The following ATP8A2 variants were observed in gnomAD, a reference collection of about 807,000 sequenced individuals.
The protein encoded by ATP8A2 is ATPase phospholipid transporting 8A2.
ATP8A2 carries 100 observed loss-of-function variants against 165.6 expected under a neutral mutation model. That is an observed-to-expected ratio of 0.60 (90% CI 0.51 to 0.71). The LOEUF (loss-of-function observed/expected upper bound fraction) is 0.71, where lower values mean the gene tolerates loss of function less well. Among genes scored for constraint, ATP8A2 ranks in the 30% least tolerant of loss-of-function variants. The pLI is 0.00. For missense variants in ATP8A2, 1,227 were observed against 1,479.5 expected, an observed-to-expected ratio of 0.83 and a Z score of 2.80; for synonymous variants, 543 against 548.8, an observed-to-expected ratio of 0.99 and a Z score of 0.15.
chr13:25,903,971 T>C (rs1036795168), intron 33 of ATP8A2, among the ~76,000 whole-genome samples: 3 of 151,586 alleles, frequency 2.0e-5, no homozygotes. Context: ...GGGGAGCATT[T>C]AAAAAAAAAC....
In ATP8A2 at chr13:25,567,133, C is replaced by T. The variant is rs188930063; in HGVS notation, c.1473+3102C>T. On this transcript the variant is annotated intron_variant, in intron 16 of 36. Coordinates refer to ENST00000381655, the MANE Select transcript of ATP8A2 (RefSeq NM_016529.6). The stretch of plus-strand genomic sequence containing the variant: ...TTCTAGTGTTTGAAAGATTTCAAAG[C>T]TTGGTTCAGTTCATTTCTGACTCTC... 491 of 322,420 alleles carry T rather than the reference C, an allele frequency of 1.5e-3. 2 individuals are homozygous for T. The highest frequency in any genetic ancestry group is 6.9e-3 in the Middle Eastern group (6 of 866). The allele number at this position is 322,420 out of a possible 1,614,324, so 20.0% of individuals were successfully genotyped here.
At position 25,918,465 on chromosome 13, in the gene ATP8A2, C is replaced by T. The variant is rs151021941; in HGVS notation, c.3184-43110C>T. Among the ~76,000 whole-genome samples the T allele has an allele frequency of 8.5e-5, 13 of 152,252 alleles. No homozygotes were observed. In the East Asian group the frequency reaches 2.5e-3, roughly 29 times the overall value. On this transcript the variant is annotated intron_variant, in intron 33 of 36. Transcript: ENST00000381655. ...GATCCATGATTAAACAAGAAAAAAGCCAACGTGGTATATTAACATCCAACA... is the reference window on the plus strand; with the variant it reads ...GATCCATGATTAAACAAGAAAAAAGTCAACGTGGTATATTAACATCCAACA...
In ATP8A2 at chr13:26,018,196, G is replaced by A. The variant is rs116235130; in HGVS notation, c.3470-1692G>A. Among the ~76,000 whole-genome samples, 378 of 152,326 alleles carry A rather than the reference G, an allele frequency of 2.5e-3. 3 individuals are homozygous for A. The highest frequency in any genetic ancestry group is 8.8e-3 in the African/African-American group (365 of 41,572). ...CCCCCTGAGCCTTTGGGATTCTCAGGCAGTGGCCAGAAGGCATGCTCTCTG... is the reference window on the plus strand; with the variant it reads ...CCCCCTGAGCCTTTGGGATTCTCAGACAGTGGCCAGAAGGCATGCTCTCTG... On this transcript the variant is annotated intron_variant, in intron 36 of 36. Transcript: ENST00000381655.
At chr13:25,638,152 G>T (rs1020455502) in intron 24 of ATP8A2, among the ~76,000 whole-genome samples, 1 of 152,092 alleles carries the variant, frequency 6.6e-6, no homozygotes, top group African/African-American at 2.4e-5. Context: ...CCACAAAGAT[G>T]GGGAAAAAAC....
intron 35 of ATP8A2, among the ~76,000 whole-genome samples, chr13:25,970,068 A>T (rs1283477243): frequency 6.6e-6 from 1 of 152,224 alleles, no homozygotes; most frequent in Non-Finnish European, 1.5e-5. Context: ...AATGTTTAAA[A>T]CCCTATAAAA....
intron 25 of ATP8A2, among the ~76,000 whole-genome samples, chr13:25,730,990 C>A (rs1265631731): frequency 6.6e-6 from 1 of 151,754 alleles, no homozygotes; most frequent in African/African-American, 2.4e-5. Context: ...AGGAGGATCA[C>A]TTGAACCTGG....
intron 10 of ATP8A2, among the ~76,000 whole-genome samples, chr13:25,544,078 T>C (rs1044398317): frequency 6.6e-6 from 1 of 152,272 alleles, no homozygotes; most frequent in Admixed American, 6.5e-5. Context: ...GTATAACTTC[T>C]AAAATGCACA....
At chr13:25,856,616 C>A (rs1384374161) in intron 30 of ATP8A2, among the ~76,000 whole-genome samples, 1 of 152,038 alleles carries the variant, frequency 6.6e-6, no homozygotes, top group African/African-American at 2.4e-5. Context: ...TCATCTTTTC[C>A]ATTTTAACAT....
chr13:25,842,497 C>A (rs949769368), intron 30 of ATP8A2, among the ~76,000 whole-genome samples: 28 of 152,014 alleles, frequency 1.8e-4, no homozygotes, highest in African/African-American at 6.3e-4. Flanking sequence ...CATGGTAAAA[C>A]CCCGTCTCTA....
At chr13:25,955,618 A>G (rs1955500021) in intron 33 of ATP8A2, among the ~76,000 whole-genome samples, 1 of 152,220 alleles carries the variant, frequency 6.6e-6, no homozygotes, top group Non-Finnish European at 1.5e-5. Context: ...AAGTTCTGAA[A>G]TTGAGGCAAT....
intron 1 of ATP8A2, among the ~76,000 whole-genome samples, chr13:25,397,100 G>T (rs937345420): frequency 6.6e-6 from 1 of 152,318 alleles, no homozygotes; most frequent in East Asian, 1.9e-4. Flanking sequence ...CCTGTTCTAG[G>T]AAGACGGGAA....
intron 2 of ATP8A2, among the ~76,000 whole-genome samples, chr13:25,514,959 A>T (rs1222339499): frequency 6.6e-6 from 1 of 152,152 alleles, no homozygotes; most frequent in Admixed American, 6.5e-5. Context: ...CATCCAGTTG[A>T]ACATTATTCT....
chr13:25,557,197 G>A (rs1003913886), intron 13 of ATP8A2, among the ~76,000 whole-genome samples: 4 of 152,050 alleles, frequency 2.6e-5, no homozygotes, highest in African/African-American at 9.7e-5. Context: ...ATTCATATAA[G>A]TGCTCTAAAT....
At chr13:25,609,052 C>T (rs995095087) in intron 24 of ATP8A2, among the ~76,000 whole-genome samples, 6 of 152,050 alleles carry the variant, frequency 3.9e-5, no homozygotes, top group South Asian at 2.1e-4. Context: ...ATTTTTGTAG[C>T]CTTACCGATT....
intron 34 of ATP8A2, among the ~76,000 whole-genome samples, chr13:25,963,439 A>G (rs1164037019): frequency 2.0e-5 from 3 of 152,000 alleles, no homozygotes; most frequent in Non-Finnish European, 4.4e-5. Context: ...AAAAGAAAAG[A>G]AAGAAAATAT....
At chr13:25,825,145 C>CT (rs60778003) in intron 27 of ATP8A2, among the ~76,000 whole-genome samples, 349 of 27,504 alleles carry the variant, frequency 0.013, 128 homozygotes, top group African/African-American at 0.043. Flanking sequence ...TATGTGTTTG[C>CT]TTTTTTTTTT....
chr13:25,875,703 C>CAG (rs1952804219), intron 33 of ATP8A2, among the ~76,000 whole-genome samples: 2 of 149,426 alleles, frequency 1.3e-5, no homozygotes, highest in African/African-American at 5.2e-5. Flanking sequence ...TTCAGCCCAA[C>CAG]TGTTTTAGCC....
At chr13:25,976,195 C>A (rs1956032479) in intron 35 of ATP8A2, among the ~76,000 whole-genome samples, 7 of 152,162 alleles carry the variant, frequency 4.6e-5, no homozygotes, top group Admixed American at 4.6e-4. Flanking sequence ...TCCCAAGTAG[C>A]TGGGATTACA....
intron 27 of ATP8A2, among the ~76,000 whole-genome samples, chr13:25,818,566 ATTG>A (rs1951085182): frequency 6.6e-6 from 1 of 152,152 alleles, no homozygotes; most frequent in Admixed American, 6.5e-5. Flanking sequence ...TTTTGTTAGG[ATTG>A]TTAAGATATT....
Sources: allele counts gnomAD v4.1 joint callset (sites outside exome capture counted in the v4.1 genomes callset), GRCh38; gene constraint gnomAD v4.1.1; transcripts MANE v1.5; gene names NCBI Gene and HGNC (gene_info 2026-07-23, HGNC 2026-07-21).